TNRC18: variants seen among roughly 807,000 people sequenced by gnomAD.
TNRC18 encodes trinucleotide repeat-containing gene 18 protein.
In TNRC18, 69 loss-of-function variants were observed where a neutral mutation model predicts 226.7. That is an observed-to-expected ratio of 0.30 (90% CI 0.25 to 0.37). The LOEUF is 0.37. Among genes scored for constraint, TNRC18 ranks in the 10% least tolerant of loss-of-function variants. The pLI is 1.00. For missense variants in TNRC18, 4,754 were observed against 4,256.6 expected (o/e 1.12, Z -3.25); for synonymous variants, 2,449 against 1,927.6 (o/e 1.27, Z -7.09).
chr7:5,416,933 T>C (rs1782228230), intron 2 of TNRC18, among the ~76,000 whole-genome samples: 1 of 150,026 alleles, frequency 6.7e-6, no homozygotes, highest in African/African-American at 2.5e-5. Context: ...CAATGAGCTA[T>C]AAACGCAATA....
At chr7:5,400,820 T>C (rs1394670913) in intron 2 of TNRC18, among the ~76,000 whole-genome samples, 3 of 151,936 alleles carry the variant, frequency 2.0e-5, no homozygotes, top group Non-Finnish European at 4.4e-5. Flanking sequence ...GGGCAGCAGA[T>C]CACTTCAGCC....
chr7:5,336,578 C>CA (rs34319919), intron 18 of TNRC18, among the ~76,000 whole-genome samples: 56,507 of 151,752 alleles, frequency 0.37, 12,462 homozygotes, highest in East Asian at 0.82. Context: ...TCTGTCTCTA[C>CA]AAAAAATACA....
intron 15 of TNRC18, among the ~76,000 whole-genome samples, chr7:5,358,586 G>A (rs1268951479): frequency 6.6e-6 from 1 of 152,198 alleles, no homozygotes; most frequent in Non-Finnish European, 1.5e-5. Context: ...GGCTGAGGTA[G>A]GCAGATCACC....
chr7:5,387,145 G>A (rs1779850649), intron 5 of TNRC18, among the ~76,000 whole-genome samples: 1 of 152,184 alleles, frequency 6.6e-6, no homozygotes. Context: ...ACCACTTACA[G>A]GCACGTAAAC....
chr7:5,401,389 G>C (rs1781081154), intron 2 of TNRC18, among the ~76,000 whole-genome samples: 1 of 152,078 alleles, frequency 6.6e-6, no homozygotes, highest in Non-Finnish European at 1.5e-5. Flanking sequence ...GATATACAGG[G>C]AAGACCCTGC....
chr7:5,394,354 T>C lies in TNRC18; in HGVS notation c.343+86A>G. The C allele has an allele frequency of 7.6e-7, 1 of 1,314,554 alleles. No individual in the cohort carries two copies. Among genetic ancestry groups the C allele is most frequent in the Non-Finnish European group, 1.0e-6 (1 of 994,834 alleles). 81.4% of individuals were successfully genotyped at this position (1,314,554 alleles called of 1,614,324 possible). A position where few individuals can be genotyped will look rare whatever the true frequency, so the allele number is the denominator to read the frequency against. ...GGACCCACCAGCCCCAGCTCAGCGATGACAACAGAGGGGCACATGAAGTGG... is the reference window on the plus strand; with the variant it reads ...GGACCCACCAGCCCCAGCTCAGCGACGACAACAGAGGGGCACATGAAGTGG... On this transcript the variant is annotated intron_variant, in intron 3 of 29. Coordinates refer to ENST00000430969, the MANE Select transcript of TNRC18 (RefSeq NM_001080495.3). The surrounding 1 kb of genome is among the most constrained non-coding windows in gnomAD (Gnocchi z 4.5).
At chr7:5,348,904 G>A (rs893072689) in intron 17 of TNRC18, among the ~76,000 whole-genome samples, 3 of 151,942 alleles carry the variant, frequency 2.0e-5, no homozygotes, top group Non-Finnish European at 4.4e-5. Flanking sequence ...AACAGCGCCT[G>A]GGTCCCCCAC....
rs1392086199 is a variant in TNRC18 at position 5,313,341 on chromosome 7, C to A, written c.7550G>T (p.Trp2517Leu). ...AAGSSEPKAP[W>L]PKATDGDLAQ... ...GAGGTCCCCGTCGGTGGCCTTGGGC[C>A]AGGGTGCCTTGGGCTCGCTGCTGCC... Residue 2517 changes from tryptophan to leucine, a missense_variant, in exon 27 of 30, where the codon TGG becomes TTG. Transcript: ENST00000430969. The A allele has an allele frequency of 1.9e-6, 3 of 1,557,808 alleles. No homozygotes were observed. Among genetic ancestry groups the A allele is most frequent in the South Asian group, 2.4e-5 (2 of 84,898 alleles).
Position 5,307,439 on chromosome 7 carries a change from G to GGGGT in TNRC18, c.*663_*666dup, listed in dbSNP as rs1340566368. ...GCCGGGCGACAGTTTCAGCACCATTGGGGTTTTCTGTAGTGTGAGGGTTTG... is the reference window on the plus strand; with the variant it reads ...GCCGGGCGACAGTTTCAGCACCATTGGGGTGGGTTTTCTGTAGTGTGAGGGTTTG... On this transcript the variant is annotated 3_prime_UTR_variant, in exon 30 of 30. Coordinates refer to ENST00000430969, the MANE Select transcript of TNRC18 (RefSeq NM_001080495.3). 1 of 370,198 alleles carries GGGGT rather than the reference G, an allele frequency of 2.7e-6. No homozygotes were observed. Among genetic ancestry groups the GGGGT allele is most frequent in the Non-Finnish European group, 5.5e-6 (1 of 180,260 alleles). 22.9% of individuals were successfully genotyped at this position (370,198 alleles called of 1,614,324 possible).
intron 18 of TNRC18, among the ~76,000 whole-genome samples, chr7:5,343,295 A>C (rs1790858497): frequency 6.6e-6 from 1 of 152,180 alleles, no homozygotes; most frequent in African/African-American, 2.4e-5. Flanking sequence ...TGGAGATTGC[A>C]GTGAGCAGAG....
rs993186460 is a variant in TNRC18 at position 5,394,192 on chromosome 7, G to A, written c.343+248C>T. Among the ~76,000 whole-genome samples, 3 of 152,186 alleles carry A rather than the reference G, an allele frequency of 2.0e-5. No individual in the cohort carries two copies. The highest frequency in any genetic ancestry group is 6.5e-5 in the Admixed American group (1 of 15,272). On this transcript the variant is annotated intron_variant, in intron 3 of 29. Coordinates refer to ENST00000430969, the MANE Select transcript of TNRC18 (RefSeq NM_001080495.3). The surrounding 1 kb of genome is among the most constrained non-coding windows in gnomAD (Gnocchi z 4.5). ...GAAGAGGGGGTCTCTGAGCTGAGCCGGAGGAGGACTGGAAGGTGGTCTGTG... is the reference window on the plus strand; with the variant it reads ...GAAGAGGGGGTCTCTGAGCTGAGCCAGAGGAGGACTGGAAGGTGGTCTGTG...
chr7:5,335,605 GAAA>G (rs60546145), intron 18 of TNRC18, among the ~76,000 whole-genome samples: 1 of 126,814 alleles, frequency 7.9e-6, no homozygotes, highest in Non-Finnish European at 1.6e-5. Flanking sequence ...ACTCCGTCTA[GAAA>G]AAAAAAAAAA....
chr7:5,324,185 C>T lies in TNRC18; in HGVS notation c.6442+29G>A. The T allele has an allele frequency of 1.9e-6, 3 of 1,570,510 alleles. No homozygotes were observed. The East Asian group carries it at 7.0e-5, about 37-fold the overall frequency. On this transcript the variant is annotated intron_variant, in intron 21 of 29. Coordinates refer to ENST00000430969, the MANE Select transcript of TNRC18 (RefSeq NM_001080495.3). This position sits in a 1 kb window ranked among gnomAD's most constrained non-coding sequence, Gnocchi z 4.8. The stretch of plus-strand genomic sequence containing the variant: ...CCAAGGGAGGCTCCAGCAGCCCCGC[C>T]CGGCACATGTGGCATCACGGCCACT...
Position 5,320,308 on chromosome 7 carries a change from G to A in TNRC18, c.6745+10C>T, listed in dbSNP as rs762394044. The A allele has an allele frequency of 1.3e-6, 2 of 1,546,914 alleles. No homozygotes were observed. The highest frequency in any genetic ancestry group is 1.7e-6 in the Non-Finnish European group (2 of 1,143,300). ...GGCGGCAGGGGAGAGCTGGGGAGGA[G>A]GCATCTCACCTCGGACCACAGTGCC... On this transcript the variant is annotated intron_variant, in intron 24 of 29. Coordinates refer to ENST00000430969, the MANE Select transcript of TNRC18 (RefSeq NM_001080495.3).
rs1446165017 is a variant in TNRC18 at position 5,371,255 on chromosome 7, A to T, written c.3339T>A (p.Asp1113Glu). The change falls in exon 11 of 30, where the codon GAT becomes GAA. Residue 1113 changes from aspartate to glutamate, a missense_variant. Coordinates refer to ENST00000430969, the MANE Select transcript of TNRC18 (RefSeq NM_001080495.3). Reference sequence around the variant, plus strand: ...CGGGCCCATCAGCCGGGAGCGGCACATCAGGGGCCAAGCCGTCCGCGTCGG... The same window carrying T: ...CGGGCCCATCAGCCGGGAGCGGCACTTCAGGGGCCAAGCCGTCCGCGTCGG... ...AAADADGLAP[D>E]VPLPADGPER... The T allele has an allele frequency of 6.2e-7, 1 of 1,601,256 alleles. No homozygotes were observed. Among genetic ancestry groups the T allele is most frequent in the Non-Finnish European group, 8.5e-7 (1 of 1,172,830 alleles).
rs1163892303 is a variant in TNRC18 at position 5,362,756 on chromosome 7, C to T, written c.4289G>A (p.Arg1430Lys). Residue 1430 changes from arginine to lysine, a missense_variant, in exon 12 of 30, where the codon AGG becomes AAG. By Grantham distance (26) the Arg-to-Lys change is conservative. Transcript: ENST00000430969. ...SLLAAGSHML[R>K]EVLDGPVVDP... ...CACCACGGGCCCATCCAGCACCTCCCTCAGCATGTGGCTGCCAGCTGCCAG... is the reference window on the plus strand; with the variant it reads ...CACCACGGGCCCATCCAGCACCTCCTTCAGCATGTGGCTGCCAGCTGCCAG... 3 of 1,572,670 alleles carry T rather than the reference C, an allele frequency of 1.9e-6. No individual in the cohort carries two copies. Among genetic ancestry groups the T allele is most frequent in the East Asian group, 2.4e-5 (1 of 42,428 alleles).
intron 2 of TNRC18, chr7:5,420,598 C>A (rs1337916152): frequency 4.4e-6 from 2 of 455,492 alleles, no homozygotes; most frequent in East Asian, 1.4e-4. Flanking sequence ...AGGGACCCGG[C>A]TCGGCGCGAG....
chr7:5,356,792 C>T, intron 16 of TNRC18, 124 bp downstream of exon 16: 2 of 1,356,980 alleles, frequency 1.5e-6, no homozygotes, highest in Non-Finnish European at 1.9e-6. Flanking sequence ...TGTAGTGCGC[C>T]CCAGAGAGAG....
At chr7:5,419,062 G>A (rs1782371176) in intron 2 of TNRC18, among the ~76,000 whole-genome samples, 1 of 152,234 alleles carries the variant, frequency 6.6e-6, no homozygotes, top group South Asian at 2.1e-4. Context: ...CAGAAGTCAG[G>A]CAGCTCCCAG....
Sources: allele counts gnomAD v4.1 joint callset (sites outside exome capture counted in the v4.1 genomes callset), GRCh38; gene constraint gnomAD v4.1.1; non-coding constraint Gnocchi (gnomAD v3.1); transcripts MANE v1.5; gene names NCBI Gene and HGNC (gene_info 2026-07-23, HGNC 2026-07-21).